PARD3: variants seen among roughly 807,000 people sequenced by gnomAD.
PARD3 encodes the protein par-3 family cell polarity regulator.
PARD3 carries 75 observed loss-of-function variants against 155.4 expected under a neutral mutation model. The ratio of observed to expected loss-of-function variants is 0.48; its 90% CI spans 0.40 to 0.58. The LOEUF is 0.58. Among genes scored for constraint, PARD3 ranks in the 20% least tolerant of loss-of-function variants. The probability of loss-of-function intolerance (pLI) is 0.00; values close to 1 mark genes in which losing one functional copy is unlikely to be tolerated. For missense variants in PARD3, 1,642 were observed against 1,721.7 expected, an observed-to-expected ratio of 0.95 and a Z score of 0.82; for synonymous variants, 576 against 610.5, an observed-to-expected ratio of 0.94 and a Z score of 0.83.
At chr10:34,328,101 A>G (rs1835228050) in intron 19 of PARD3, among the ~76,000 whole-genome samples, 1 of 152,222 alleles carries the variant, frequency 6.6e-6, no homozygotes, top group Non-Finnish European at 1.5e-5. Flanking sequence ...TCGCGTCTTC[A>G]GTTTTATGTA....
intron 2 of PARD3, among the ~76,000 whole-genome samples, chr10:34,674,003 A>AATG (rs1564490537): frequency 6.9e-6 from 1 of 144,666 alleles, no homozygotes. Context: ...AAAAACAAAC[A>AATG]AACAGGAGGA....
intron 16 of PARD3, 125 bp from the exon 17 acceptor site, chr10:34,337,551 T>A: frequency 2.3e-6 from 1 of 441,964 alleles, no homozygotes; most frequent in Admixed American, 4.4e-5. Flanking sequence ...AAAATTCAAC[T>A]AAATAATACA....
chr10:34,647,905 G>A (rs936030721), intron 2 of PARD3, among the ~76,000 whole-genome samples: 1 of 152,192 alleles, frequency 6.6e-6, no homozygotes, highest in African/African-American at 2.4e-5. Context: ...TGCTTCCTGG[G>A]CCCAAATTAA....
At chr10:34,221,713 C>T (rs1459907087) in intron 22 of PARD3, among the ~76,000 whole-genome samples, 1 of 152,176 alleles carries the variant, frequency 6.6e-6, no homozygotes, top group Non-Finnish European at 1.5e-5. Context: ...GATCAGGCAA[C>T]CTGTAGTACC....
At chr10:34,423,141 C>G (rs1187523217) in intron 5 of PARD3, among the ~76,000 whole-genome samples, 1 of 152,030 alleles carries the variant, frequency 6.6e-6, no homozygotes, top group Non-Finnish European at 1.5e-5. Flanking sequence ...ACTACTCTGC[C>G]TTTAAAAAGA....
chr10:34,378,064 G>A lies in PARD3; in HGVS notation c.1442C>T (p.Thr481Ile). The A allele has an allele frequency of 6.3e-7, 1 of 1,596,678 alleles. No individual in the cohort carries two copies. The change falls in exon 10 of 25, where the codon ACA (threonine) becomes ATA (isoleucine). Residue 481 changes from threonine (T) to isoleucine (I), a missense_variant. Thr to Ile is a moderately conservative substitution (Grantham distance 89). This residue lies in a region of PARD3 where 1,529 missense variants were observed against 1,587.3 expected (regional missense o/e 0.96). Transcript: ENST00000374788. ...LGFSITSRDVTIGGSAPIYVK... is the reference protein window; with the variant it reads ...LGFSITSRDVIIGGSAPIYVK... ...ATAGATTGGAGCTGAGCCACCTATT[G>A]TTACATCTCTGGAAGTGATGCTGAA... is the stretch of plus-strand genomic sequence containing the variant.
chr10:34,732,809 T>C (rs903653744), intron 1 of PARD3, among the ~76,000 whole-genome samples: 1 of 152,220 alleles, frequency 6.6e-6, no homozygotes, highest in African/African-American at 2.4e-5. Context: ...AATACGAAAG[T>C]TGAGCCTTCA....
intron 5 of PARD3, among the ~76,000 whole-genome samples, chr10:34,411,372 G>A (rs1287664081): frequency 2.6e-5 from 4 of 152,154 alleles, no homozygotes; most frequent in East Asian, 1.9e-4. Flanking sequence ...GTCTGCCAGG[G>A]TGTTTTTGAA....
At chr10:34,513,989 T>A (rs2081557268) in intron 3 of PARD3, among the ~76,000 whole-genome samples, 1 of 152,182 alleles carries the variant, frequency 6.6e-6, no homozygotes, top group Non-Finnish European at 1.5e-5. Context: ...CTCTCTGTAT[T>A]TTCTACAAAA....
At chr10:34,775,108 T>C (rs1295980587) in intron 1 of PARD3, among the ~76,000 whole-genome samples, 1 of 152,168 alleles carries the variant, frequency 6.6e-6, no homozygotes, top group Non-Finnish European at 1.5e-5. Flanking sequence ...TTTGGAGACT[T>C]ACACAACATA....
At chr10:34,300,803 C>G (rs1589105817) in intron 20 of PARD3, among the ~76,000 whole-genome samples, 7 of 152,164 alleles carry the variant, frequency 4.6e-5, no homozygotes, top group Admixed American at 4.6e-4. Flanking sequence ...ACAGATAGCT[C>G]TAGGAAGGTC....
At chr10:34,414,908 A>G (rs1404426183) in intron 5 of PARD3, among the ~76,000 whole-genome samples, 2 of 152,168 alleles carry the variant, frequency 1.3e-5, no homozygotes, top group Non-Finnish European at 2.9e-5. Context: ...CCTCTATACC[A>G]TAACTCTTCC....
At chr10:34,652,693 G>C (rs143006258) in intron 2 of PARD3, among the ~76,000 whole-genome samples, 1 of 152,144 alleles carries the variant, frequency 6.6e-6, no homozygotes, top group Non-Finnish European at 1.5e-5. Context: ...CTGCCCTCTC[G>C]CAGTGTGCTG....
chr10:34,753,656 T>C (rs866856728), intron 1 of PARD3, among the ~76,000 whole-genome samples: 1 of 152,226 alleles, frequency 6.6e-6, no homozygotes, highest in Non-Finnish European at 1.5e-5. Flanking sequence ...CTGGAGGGCA[T>C]GGCAGAGGGT....
chr10:34,561,733 G>A (rs1167762477), intron 2 of PARD3, among the ~76,000 whole-genome samples: 1 of 151,554 alleles, frequency 6.6e-6, no homozygotes, highest in Non-Finnish European at 1.5e-5. Context: ...GGTCAGGCTG[G>A]TCTCGAACTC....
Position 34,119,651 on chromosome 10 carries a change from G to C in PARD3, c.3630C>G (p.Ser1210Arg), listed in dbSNP as rs1946875274. Residue 1210 changes from serine to arginine, a missense_variant, in exon 24 of 25, where the codon AGC (serine) becomes AGG (arginine). By Grantham distance (110) the Ser-to-Arg change is moderately radical (BLOSUM62 -1). This residue lies in a region of PARD3 where 1,529 missense variants were observed against 1,587.3 expected (regional missense o/e 0.96). Coordinates refer to ENST00000374788, the MANE Select transcript of PARD3 (RefSeq NM_001184785.2). ...TGTACTGGCGCTGGGCCTGCTGGGA[G>C]CTCTCGCGCTCCTCCTGCCGCTGCC... is the stretch of plus-strand genomic sequence containing the variant. ...MQRQRQEERESSQQAQRQYSS... is the reference protein window; with the variant it reads ...MQRQRQEERERSQQAQRQYSS... The C allele has an allele frequency of 7.5e-6, 12 of 1,610,622 alleles. No individual in the cohort carries two copies. Among genetic ancestry groups the C allele is most frequent in the Non-Finnish European group, 9.3e-6 (11 of 1,178,898 alleles).
At chr10:34,326,242 A>C (rs1316299787) in intron 19 of PARD3, among the ~76,000 whole-genome samples, 1 of 152,198 alleles carries the variant, frequency 6.6e-6, no homozygotes, top group Non-Finnish European at 1.5e-5. Flanking sequence ...AGAAATGCAG[A>C]GAATACCTTT....
At chr10:34,695,087 A>G (rs1449545334) in intron 2 of PARD3, among the ~76,000 whole-genome samples, 1 of 151,948 alleles carries the variant, frequency 6.6e-6, no homozygotes. Context: ...GTTTTAGGAG[A>G]CAGTCGACCA....
chr10:34,631,269 G>A (rs947412097), intron 2 of PARD3, among the ~76,000 whole-genome samples: 9 of 152,116 alleles, frequency 5.9e-5, no homozygotes, highest in Middle Eastern at 6.8e-3. Flanking sequence ...TTTTCCCCTC[G>A]AAATGTGGTA....
Sources: gnomAD v4.1 joint callset for allele counts (sites outside exome capture counted in the v4.1 genomes callset) on GRCh38, gnomAD v4.1.1 for gene constraint, gnomAD v4.1.1 regional missense constraint, MANE v1.5 for transcripts, NCBI Gene and HGNC (gene_info 2026-07-23, HGNC 2026-07-21) for gene names.